NIT2: variants seen among roughly 807,000 people sequenced by gnomAD.
NIT2 encodes nitrilase family member 2, also known as omega-amidase NIT2.
A neutral mutation model predicts 42.7 loss-of-function variants in NIT2; 46 were observed. The observed-to-expected ratio is 1.08, with a 90% confidence interval of 0.85 to 1.38. The LOEUF (loss-of-function observed/expected upper bound fraction) is 1.38. NIT2 is among the 40% of genes most tolerant of loss of function. NIT2 has a pLI of 0.00. For missense variants in NIT2, 309 were observed against 342.5 expected (o/e 0.90, Z 0.77); for synonymous variants, 123 against 121.9 (o/e 1.01, Z -0.06).
chr3:100,348,685 A>G (rs1351710868), intron 6 of NIT2, 118 bp from the exon 7 acceptor site: 1 of 735,780 alleles, frequency 1.4e-6, no homozygotes, highest in African/African-American at 1.8e-5. Flanking sequence ...CTTGGCTGAC[A>G]TCTTTTTATG....
chr3:100,343,253 C>G (rs572346940), intron 4 of NIT2, among the ~76,000 whole-genome samples: 80 of 151,980 alleles, frequency 5.3e-4, no homozygotes, highest in African/African-American at 1.7e-3. Flanking sequence ...AAATCTTTCA[C>G]TGTGTTTGGG....
chr3:100,336,429 G>A (rs277627), intron 1 of NIT2, among the ~76,000 whole-genome samples: 109,574 of 151,972 alleles, frequency 0.72, 40,117 homozygotes, highest in East Asian at 0.93. Context: ...GAAAGAAGTA[G>A]GGGGGCCCAG....
At chr3:100,336,924 A>G (rs939710974) in intron 1 of NIT2, among the ~76,000 whole-genome samples, 1 of 152,206 alleles carries the variant, frequency 6.6e-6, no homozygotes, top group African/African-American at 2.4e-5. Flanking sequence ...CCACGAGGCC[A>G]TATTTCAGAC....
At chr3:100,340,490 A>G (rs567122689) in intron 3 of NIT2, among the ~76,000 whole-genome samples, 3 of 152,334 alleles carry the variant, frequency 2.0e-5, no homozygotes, top group South Asian at 2.1e-4. Context: ...TTGCTTAAAT[A>G]AAAAATAAAC....
intron 4 of NIT2, among the ~76,000 whole-genome samples, chr3:100,342,375 TTATTGA>T (rs1372307022): frequency 1.3e-5 from 2 of 152,174 alleles, no homozygotes; most frequent in African/African-American, 4.8e-5. Context: ...TTTAATGCAC[TTATTGA>T]TATGATTGAA....
chr3:100,334,902 C>G (rs1706050054), intron 1 of NIT2, 104 bp downstream of exon 1: 11 of 1,102,380 alleles, frequency 1.0e-5, no homozygotes, highest in Non-Finnish European at 1.3e-5. Flanking sequence ...CGCCCCGCGT[C>G]CCCGCCGTGC....
intron 6 of NIT2, among the ~76,000 whole-genome samples, chr3:100,347,838 G>A (rs1399971743): frequency 3.3e-5 from 5 of 152,152 alleles, no homozygotes; most frequent in South Asian, 2.1e-4. Flanking sequence ...AAGGGAGGGT[G>A]TGTGTACTCA....
In NIT2 at chr3:100,353,805, A is replaced by T. The variant is rs1196928101; in HGVS notation, c.684-967A>T. ...TTTTTTTTTTTTGAGATGGAGTTTCACTCTGTCGCCCAGGCTGGAGTGCAG... is the reference window on the plus strand; with the variant it reads ...TTTTTTTTTTTTGAGATGGAGTTTCTCTCTGTCGCCCAGGCTGGAGTGCAG... On this transcript the variant is annotated intron_variant, in intron 8 of 9. Transcript: ENST00000394140. 7.9e-5 allele frequency among the ~76,000 whole-genome samples: 11 copies of T among 138,540 alleles called. No homozygotes were observed. The East Asian group carries it at 1.0e-3, about 13-fold the overall frequency. 90.9% of individuals were successfully genotyped at this position (138,540 alleles called of 152,430 possible).
In NIT2 at chr3:100,358,774, C is replaced by T. The variant is rs1005620142; in HGVS notation, c.*3506C>T. On this transcript the variant is annotated 3_prime_UTR_variant, in exon 10 of 10. Coordinates refer to ENST00000394140, the MANE Select transcript of NIT2 (RefSeq NM_020202.5). ...AAAAGTTAGGTCTGTGCAAAGTACA[C>T]CAAGTGGAAAAAAGTTTAGACAAGA... 2 of 152,120 alleles carry T rather than the reference C, an allele frequency of 1.3e-5. No homozygotes were observed. The highest frequency in any genetic ancestry group is 4.8e-5 in the African/African-American group (2 of 41,414). 9.4% of individuals were successfully genotyped at this position (152,120 alleles called of 1,614,324 possible).
Position 100,348,528 on chromosome 3 carries a change from C to T in NIT2, c.506-275C>T, listed in dbSNP as rs114681318. ...CTGCCTGGAATTTTCTGTTCTCTTGCGACCGTCCTGTATTATTTCTGTCTC... is the reference window on the plus strand; with the variant it reads ...CTGCCTGGAATTTTCTGTTCTCTTGTGACCGTCCTGTATTATTTCTGTCTC... On this transcript the variant is annotated intron_variant, in intron 6 of 9. Transcript: ENST00000394140. Among the ~76,000 whole-genome samples the T allele has an allele frequency of 2.3e-3, 344 of 152,280 alleles. 1 individual carries two copies. Among genetic ancestry groups the T allele is most frequent in the African/African-American group, 7.6e-3 (315 of 41,542 alleles).
chr3:100,359,196 A>G lies in NIT2; in HGVS notation c.*3928A>G, dbSNP rs548331285. 1.2e-4 allele frequency: 19 copies of G among 152,350 alleles called. No individual in the cohort carries two copies. Among genetic ancestry groups the G allele is most frequent in the African/African-American group, 3.6e-4 (15 of 41,574 alleles). The allele number at this position is 152,350 out of a possible 1,614,324, so 9.4% of individuals were successfully genotyped here. A position where few individuals can be genotyped will look rare whatever the true frequency, so the allele number is the denominator to read the frequency against. ...ATACAAAGACAGTGCTTCTTGTTCAATGATTTACTTCACAGCTGATTCATA... is the reference window on the plus strand; with the variant it reads ...ATACAAAGACAGTGCTTCTTGTTCAGTGATTTACTTCACAGCTGATTCATA... On this transcript the variant is annotated 3_prime_UTR_variant, in exon 10 of 10. Coordinates refer to ENST00000394140, the MANE Select transcript of NIT2 (RefSeq NM_020202.5).
Position 100,346,163 on chromosome 3 carries a change from T to C in NIT2, c.431-18T>C. 6.2e-7 allele frequency: 1 copy of C among 1,612,254 alleles called. No individual in the cohort carries two copies. Among genetic ancestry groups the C allele is most frequent in the Non-Finnish European group, 8.5e-7 (1 of 1,178,306 alleles). Reference sequence around the variant, plus strand: ...AGGGAGTTAACTTTTCATTTGTGCATTTTCTGTTTGGAAACAGCTTACTGC... The same window carrying C: ...AGGGAGTTAACTTTTCATTTGTGCACTTTCTGTTTGGAAACAGCTTACTGC... On this transcript the variant is annotated intron_variant, in intron 5 of 9. Transcript: ENST00000394140.
At position 100,346,203 on chromosome 3, in the gene NIT2, C is replaced by T. The variant is rs751813039; in HGVS notation, c.453C>T (p.Gly151=). ...FDTPYCRVGL[G]ICYDMRFAEL... is the part of the protein sequence containing the mutation. Reference sequence around the variant, plus strand: ...CAGCTTACTGCAGAGTGGGTCTGGGCATCTGCTACGACATGCGGTTTGCAG... The same window carrying T: ...CAGCTTACTGCAGAGTGGGTCTGGGTATCTGCTACGACATGCGGTTTGCAG... Residue 151 remains glycine (G), a synonymous_variant, in exon 6 of 10, where the codon GGC becomes GGT. Transcript: ENST00000394140. The T allele has an allele frequency of 6.2e-7, 1 of 1,614,054 alleles. No homozygotes were observed. The highest frequency in any genetic ancestry group is 2.2e-5 in the East Asian group (1 of 44,880).
At chr3:100,353,099 T>C (rs2148884893) in intron 8 of NIT2, among the ~76,000 whole-genome samples, 1 of 152,344 alleles carries the variant, frequency 6.6e-6, no homozygotes, top group African/African-American at 2.4e-5. Context: ...CACAACATGG[T>C]CTCAACTTGA....
At chr3:100,336,400 G>A (rs1297741450) in intron 1 of NIT2, among the ~76,000 whole-genome samples, 2 of 152,082 alleles carry the variant, frequency 1.3e-5, no homozygotes, top group Non-Finnish European at 2.9e-5. Flanking sequence ...AAAAGAAAAA[G>A]ACACAAACAA....
At chr3:100,343,618 T>C (rs537940484) in intron 4 of NIT2, among the ~76,000 whole-genome samples, 2 of 152,242 alleles carry the variant, frequency 1.3e-5, no homozygotes, top group South Asian at 4.1e-4. Flanking sequence ...TATTTTTCTT[T>C]ACAGTGTTGA....
chr3:100,338,990 C>G, intron 1 of NIT2, 97 bp from the exon 2 acceptor site: 2 of 836,086 alleles, frequency 2.4e-6, no homozygotes, highest in Non-Finnish European at 4.2e-6. Flanking sequence ...AGATGTCCCC[C>G]CGGGGACATA....
At chr3:100,353,271 C>T (rs933404802) in intron 8 of NIT2, among the ~76,000 whole-genome samples, 5 of 152,126 alleles carry the variant, frequency 3.3e-5, no homozygotes, top group African/African-American at 1.2e-4. Flanking sequence ...TATGAAAGCA[C>T]ACACACACAC....
Position 100,355,429 on chromosome 3 carries a change from C to T in NIT2, c.*161C>T, listed in dbSNP as rs779654129. The T allele has an allele frequency of 3.0e-5, 17 of 565,788 alleles. No homozygotes were observed. The highest frequency in any genetic ancestry group is 9.6e-5 in the African/African-American group (5 of 52,022). 35.0% of individuals were successfully genotyped at this position (565,788 alleles called of 1,614,324 possible). On this transcript the variant is annotated 3_prime_UTR_variant, in exon 10 of 10. Transcript: ENST00000394140. Reference sequence around the variant, plus strand: ...AGCCTCATTATGCTGACATTTTCCACGCCACATTAAATAGTTAAAAAGGAT... The same window carrying T: ...AGCCTCATTATGCTGACATTTTCCATGCCACATTAAATAGTTAAAAAGGAT...
Sources: allele counts gnomAD v4.1 joint callset (sites outside exome capture counted in the v4.1 genomes callset), GRCh38; gene constraint gnomAD v4.1.1; transcripts MANE v1.5; gene names NCBI Gene and HGNC (gene_info 2026-07-23, HGNC 2026-07-21).